Variants in TENM1 observed in about 807,000 individuals in gnomAD.
TENM1 encodes the protein teneurin-1.
Under a neutral mutation model 174.8 loss-of-function variants are expected in TENM1, and 35 were observed. The observed-to-expected ratio is 0.20, with a 90% CI of 0.15 to 0.27. TENM1 has a LOEUF of 0.27. TENM1 is among the 10% of genes least tolerant of loss of function. TENM1 has a pLI of 1.00. For missense variants in TENM1, 1,633 were observed against 2,130.1 expected (o/e 0.77, Z 4.59); for synonymous variants, 781 against 798.7 (o/e 0.98, Z 0.37).
At chrX:124,998,149 G>T in the TENM1 span, among the ~76,000 whole-genome samples, 1 of 107,017 alleles carries the variant, frequency 9.3e-6, no homozygotes, top group African/African-American at 3.4e-5. Context: ...CTCTCAGATT[G>T]CCACTAGTTT....
intron 3 of TENM1, among the ~76,000 whole-genome samples, chrX:124,850,026 T>A (rs2056688349): frequency 8.9e-6 from 1 of 111,759 alleles, no homozygotes; most frequent in Admixed American, 9.5e-5. Context: ...TAGATTAGGA[T>A]ATTGTGGCTT....
chrX:124,740,902 C>T (rs779078737), intron 3 of TENM1, among the ~76,000 whole-genome samples: 127 of 111,600 alleles, frequency 1.1e-3, no homozygotes, highest in African/African-American at 3.9e-3. Context: ...GGCAACCATA[C>T]ACTTCTGTGC....
At chrX:124,846,752 A>C (rs2056616483) in intron 3 of TENM1, among the ~76,000 whole-genome samples, 1 of 111,584 alleles carries the variant, frequency 9.0e-6, no homozygotes, top group Admixed American at 9.5e-5. Flanking sequence ...AGATCTGGTT[A>C]TCCAGAATTA....
intron 1 of TENM1, among the ~76,000 whole-genome samples, chrX:124,913,962 T>C (rs1485278954): frequency 8.9e-6 from 1 of 111,866 alleles, no homozygotes; most frequent in Non-Finnish European, 1.9e-5. Flanking sequence ...TACTGAACAA[T>C]AGCTTCCTGA....
intron 11 of TENM1, among the ~76,000 whole-genome samples, chrX:124,613,444 T>C (rs893481287): frequency 1.8e-5 from 2 of 111,577 alleles, no homozygotes; most frequent in Admixed American, 1.9e-4. Flanking sequence ...AGTTCTCTTA[T>C]ATCAGCAAAC....
chrX:124,724,592 T>G (rs1490682690), intron 4 of TENM1, among the ~76,000 whole-genome samples: 1 of 111,200 alleles, frequency 9.0e-6, no homozygotes, highest in African/African-American at 3.3e-5. Flanking sequence ...GTTCAGGAGT[T>G]CCAGACTAGC....
chrX:124,797,576 T>A, intron 3 of TENM1, among the ~76,000 whole-genome samples: 1 of 111,525 alleles, frequency 9.0e-6, no homozygotes, highest in East Asian at 2.8e-4. Context: ...GTGTTAACAT[T>A]ATAACAGAGT....
At chrX:124,968,924 A>C in the TENM1 span, among the ~76,000 whole-genome samples, 1 of 112,183 alleles carries the variant, frequency 8.9e-6, no homozygotes, top group Non-Finnish European at 1.9e-5. Context: ...TTAATATTTT[A>C]AATCCACCAA....
intron 3 of TENM1, among the ~76,000 whole-genome samples, chrX:124,833,741 T>G (rs774771529): frequency 9.0e-6 from 1 of 111,378 alleles, no homozygotes; most frequent in Non-Finnish European, 1.9e-5. Flanking sequence ...TGGCTGCCAC[T>G]GACCACTTTA....
chrX:124,763,576 C>G (rs2054473084), intron 3 of TENM1, among the ~76,000 whole-genome samples: 1 of 111,240 alleles, frequency 9.0e-6, no homozygotes, highest in South Asian at 3.8e-4. Context: ...GAGCTCATCT[C>G]CTATTCTCAG....
intron 8 of TENM1, among the ~76,000 whole-genome samples, chrX:124,649,941 C>T (rs939273704): frequency 1.8e-5 from 2 of 110,481 alleles, no homozygotes; most frequent in Non-Finnish European, 3.8e-5. Context: ...GTGGCTCATG[C>T]CTGTAATCCC....
intron 16 of TENM1, among the ~76,000 whole-genome samples, chrX:124,529,301 G>C (rs1037242618): frequency 8.9e-6 from 1 of 111,953 alleles, no homozygotes; most frequent in African/African-American, 3.2e-5. Flanking sequence ...TCAAGGTCTT[G>C]CTTCTCAGAT....
At chrX:124,969,021 T>C in the TENM1 span, among the ~76,000 whole-genome samples, 1 of 112,225 alleles carries the variant, frequency 8.9e-6, no homozygotes, top group African/African-American at 3.2e-5. Context: ...ATTGACTTTT[T>C]CAGTCAGTGC....
At chrX:124,524,757 C>G (rs184709693) in intron 16 of TENM1, among the ~76,000 whole-genome samples, 11 of 104,730 alleles carry the variant, frequency 1.1e-4, no homozygotes, top group African/African-American at 4.2e-4. Context: ...TGGAGCTGAA[C>G]AGATTCAGAT....
At chrX:124,547,788 G>A (rs1188048470) in intron 14 of TENM1, among the ~76,000 whole-genome samples, 1 of 112,110 alleles carries the variant, frequency 8.9e-6, no homozygotes, top group African/African-American at 3.2e-5. Flanking sequence ...TTTATAGAAG[G>A]AACTAGAGTT....
chrX:125,113,481 G>A, the TENM1 span, among the ~76,000 whole-genome samples: 1 of 111,381 alleles, frequency 9.0e-6, no homozygotes, highest in Non-Finnish European at 1.9e-5. Context: ...ATTGGATAAA[G>A]AGTCAAGACC....
the TENM1 span, among the ~76,000 whole-genome samples, chrX:125,093,256 T>C: frequency 9.0e-6 from 1 of 111,546 alleles, no homozygotes; most frequent in East Asian, 2.8e-4. Context: ...ATTCAAAACA[T>C]AGCGGCATGG....
intron 11 of TENM1, among the ~76,000 whole-genome samples, chrX:124,637,658 C>G (rs1305564516): frequency 2.7e-5 from 3 of 111,466 alleles, no homozygotes; most frequent in Non-Finnish European, 5.6e-5. Flanking sequence ...ATACAGAGAC[C>G]TTCATGATCT....
intron 9 of TENM1, among the ~76,000 whole-genome samples, chrX:124,646,013 GA>G (rs1305772448): frequency 1.2e-4 from 13 of 111,977 alleles, no homozygotes; most frequent in Non-Finnish European, 2.1e-4. Flanking sequence ...TTAATAGAAA[GA>G]AACCAAGTGT....
Sources: gnomAD v4.1 joint callset for allele counts (sites outside exome capture counted in the v4.1 genomes callset) on GRCh38, gnomAD v4.1.1 for gene constraint, MANE v1.5 for transcripts, NCBI Gene and HGNC (gene_info 2026-07-23, HGNC 2026-07-21) for gene names.